Variants in GATA2 observed in about 807,000 individuals in gnomAD.
The protein encoded by GATA2 is GATA binding protein 2, also known as endothelial transcription factor GATA-2.
GATA2 carries 6 observed loss-of-function variants against 35.7 expected under a neutral mutation model. The observed-to-expected ratio is 0.17, with a 90% CI of 0.09 to 0.33. The LOEUF is 0.33. GATA2 is among the 10% of genes least tolerant of loss of function. The pLI is 1.00. For missense variants in GATA2, 541 were observed against 656.6 expected, an observed-to-expected ratio of 0.82 and a Z score of 1.92; for synonymous variants, 313 against 274.9, an observed-to-expected ratio of 1.14 and a Z score of -1.37.
At position 128,481,934 on chromosome 3, in the gene GATA2, C is replaced by CTGGCGG. The variant is rs755912864; in HGVS notation, c.1022_1027dup (p.Ala342_Arg343insThrAla). The stretch of plus-strand genomic sequence containing the variant: ...ATTTGCACAACAGGTGCCGGCTCTT[C>CTGGCGG]TGGCGGCCGACTGGGAGGGCAAGGC... On this transcript the variant is annotated inframe_insertion, in exon 5 of 6. Transcript: ENST00000341105. 1 of 1,613,512 alleles carries CTGGCGG rather than the reference C, an allele frequency of 6.2e-7. No individual in the cohort carries two copies. The highest frequency in any genetic ancestry group is 8.5e-7 in the Non-Finnish European group (1 of 1,180,026).
intron 3 of GATA2, 33 bp from the exon 4 acceptor site, chr3:128,484,038 G>T: frequency 6.2e-7 from 1 of 1,605,946 alleles, no homozygotes. Flanking sequence ...ACGGGGGCCT[G>T]CTTAACCGGC....
At chr3:128,491,208 G>GTC (rs2068763066) in intron 1 of GATA2, among the ~76,000 whole-genome samples, 1 of 107,390 alleles carries the variant, frequency 9.3e-6, no homozygotes, top group African/African-American at 4.1e-5. Context: ...CGGCCGTCCA[G>GTC]CCCCCCCCCC....
At position 128,492,988 on chromosome 3, in the gene GATA2, G is replaced by C. The variant is rs898029899; in HGVS notation, c.-135C>G. ...CGAGGTGCGCGGCAGGCGGGCTCGC[G>C]GGACCTGGGCGCGGGGTGGCGGCGC... On this transcript the variant is annotated 5_prime_UTR_variant, in exon 1 of 6. Coordinates refer to ENST00000341105, the MANE Select transcript of GATA2 (RefSeq NM_032638.5). The C allele has an allele frequency of 3.3e-5, 5 of 153,070 alleles. No homozygotes were observed. Among genetic ancestry groups the C allele is most frequent in the African/African-American group, 1.2e-4 (5 of 41,446 alleles). 9.5% of individuals were successfully genotyped at this position (153,070 alleles called of 1,614,324 possible).
At position 128,486,070 on chromosome 3, in the gene GATA2, C is replaced by A; in HGVS notation, c.528G>T (p.Thr176=). The stretch of plus-strand genomic sequence containing the variant: ...GGTCAGGAGACACTTCTTTGGGTGG[C>A]GTGGGTGGGAAGCCGAAAAGGTGGG... ...SGSHLFGFPP[T]PPKEVSPDPS... The change falls in exon 3 of 6, where the codon ACG becomes ACT. Residue 176 remains threonine (T), a synonymous_variant. Transcript: ENST00000341105. The A allele has an allele frequency of 6.8e-7, 1 of 1,472,992 alleles. No individual in the cohort carries two copies. The highest frequency in any genetic ancestry group is 2.4e-5 in the East Asian group (1 of 41,452). The allele number at this position is 1,472,992 out of a possible 1,614,324, so 91.2% of individuals were successfully genotyped here.
At chr3:128,487,534 G>A (rs2068719474) in intron 1 of GATA2, among the ~76,000 whole-genome samples, 1 of 152,034 alleles carries the variant, frequency 6.6e-6, no homozygotes, top group Admixed American at 6.5e-5. Flanking sequence ...TCTCAACCCC[G>A]AAAACATGCA....
chr3:128,485,616 C>A (rs1365909402), intron 3 of GATA2, 111 bp downstream of exon 3: 2 of 1,317,056 alleles, frequency 1.5e-6, no homozygotes, highest in Admixed American at 2.0e-5. Context: ...GAGACATCAC[C>A]CATCCCCAGA....
At chr3:128,487,641 G>C (rs2068722215) in intron 1 of GATA2, 1 of 153,134 alleles carries the variant, frequency 6.5e-6, no homozygotes, top group Non-Finnish European at 1.5e-5. Flanking sequence ...CCCGCCCTAA[G>C]TCCCCCCAGA....
Position 128,488,343 on chromosome 3 carries a change from G to A in GATA2, c.-45-1267C>T, listed in dbSNP as rs1210295919. The A allele has an allele frequency of 1.3e-5, 2 of 152,254 alleles. No individual in the cohort carries two copies. The highest frequency in any genetic ancestry group is 2.9e-5 in the Non-Finnish European group (2 of 68,136). The allele number at this position is 152,254 out of a possible 1,614,324, so 9.4% of individuals were successfully genotyped here. ...GCTGAACGTGGTCAGTCCGAGCGCA[G>A]TTACCTACCCAGACCGTTCCCTCCC... On this transcript the variant is annotated intron_variant, in intron 1 of 5. Coordinates refer to ENST00000341105, the MANE Select transcript of GATA2 (RefSeq NM_032638.5). The surrounding 1 kb of genome is among the most constrained non-coding windows in gnomAD (Gnocchi z 5.8).
At position 128,488,083 on chromosome 3, in the gene GATA2, G is replaced by C. The variant is rs1258431461; in HGVS notation, c.-45-1007C>G. ...CGGGCCGGCCCCCCTCAGCCGGCGGGCCCCCTCCCTGCGCGCTCCTGGCGG... is the reference window on the plus strand; with the variant it reads ...CGGGCCGGCCCCCCTCAGCCGGCGGCCCCCCTCCCTGCGCGCTCCTGGCGG... On this transcript the variant is annotated intron_variant, in intron 1 of 5. Transcript: ENST00000341105. This position sits in a 1 kb window ranked among gnomAD's most constrained non-coding sequence, Gnocchi z 5.8. Among the ~76,000 whole-genome samples the C allele has an allele frequency of 2.0e-5, 3 of 152,102 alleles. No individual in the cohort carries two copies. The highest frequency in any genetic ancestry group is 4.8e-5 in the African/African-American group (2 of 41,438).
Position 128,481,002 on chromosome 3 carries a change from C to T in GATA2, c.*17G>A, listed in dbSNP as rs371226230. On this transcript the variant is annotated 3_prime_UTR_variant, in exon 6 of 6. Coordinates refer to ENST00000341105, the MANE Select transcript of GATA2 (RefSeq NM_032638.5). ...ACCCATCCCGGGAGTGCCCGGTCCT[C>T]GACGTCCATCTGTTCCCTAGCCCAT... The T allele has an allele frequency of 5.8e-6, 9 of 1,538,726 alleles. No homozygotes were observed. The highest frequency in any genetic ancestry group is 4.6e-5 in the East Asian group (2 of 43,952).
In GATA2 at chr3:128,486,892, A is replaced by C. The variant is rs2068708769; in HGVS notation, c.140T>G (p.Val47Gly). ...CTGCGAGTCGAGGTGATTGAAGAAG[A>C]CGTCCACCTCGTCTGGAGGCAGCAG... ...AQLLPPDEVDVFFNHLDSQGN... is the reference protein window; with the variant it reads ...AQLLPPDEVDGFFNHLDSQGN... The change falls in exon 2 of 6, where the codon GTC becomes GGC. Residue 47 changes from valine to glycine, a missense_variant. Transcript: ENST00000341105. 2 of 1,612,754 alleles carry C rather than the reference A, an allele frequency of 1.2e-6. No homozygotes were observed. The highest frequency in any genetic ancestry group is 1.7e-6 in the Non-Finnish European group (2 of 1,179,598).
At chr3:128,487,547 C>T (rs1208137830) in intron 1 of GATA2, among the ~76,000 whole-genome samples, 2 of 152,154 alleles carry the variant, frequency 1.3e-5, no homozygotes, top group East Asian at 1.9e-4. Flanking sequence ...AACATGCACA[C>T]GCAGCCCCCT....
intron 5 of GATA2, among the ~76,000 whole-genome samples, chr3:128,481,570 T>TC (rs528395427): frequency 4.0e-5 from 6 of 151,344 alleles, no homozygotes; most frequent in South Asian, 4.2e-4. Context: ...ACTGAAGTCC[T>TC]CCCCCCCACC....
intron 4 of GATA2, among the ~76,000 whole-genome samples, chr3:128,482,815 G>A (rs1409071319): frequency 1.3e-5 from 2 of 152,234 alleles, no homozygotes; most frequent in African/African-American, 4.8e-5. Flanking sequence ...CCCCTCTCCC[G>A]GTTCCACCAA....
At chr3:128,491,590 C>A (rs2068769542) in intron 1 of GATA2, among the ~76,000 whole-genome samples, 1 of 152,196 alleles carries the variant, frequency 6.6e-6, no homozygotes, top group South Asian at 2.1e-4. Flanking sequence ...CTATAACGGC[C>A]CCTCCTGCTC....
chr3:128,484,779 T>G (rs1024693526), intron 3 of GATA2, among the ~76,000 whole-genome samples: 14 of 151,886 alleles, frequency 9.2e-5, no homozygotes, highest in Admixed American at 2.0e-4. Flanking sequence ...GCTCAGCGGG[T>G]GCTGGGGCCA....
At position 128,488,528 on chromosome 3, in the gene GATA2, AGTGGAG is replaced by A. The variant is rs2068736350; in HGVS notation, c.-45-1458_-45-1453del. ...GGCCGCTCAGGGCTGTGCTTGACCC[AGTGGAG>A]GTGGCCCGGCCGGTGGCTCCAGAAA... On this transcript the variant is annotated intron_variant, in intron 1 of 5. Transcript: ENST00000341105. The surrounding 1 kb of genome is among the most constrained non-coding windows in gnomAD (Gnocchi z 5.8). 1 of 152,296 alleles carries A rather than the reference AGTGGAG, an allele frequency of 6.6e-6. No individual in the cohort carries two copies. Among genetic ancestry groups the A allele is most frequent in the Admixed American group, 6.5e-5 (1 of 15,270 alleles). 9.4% of individuals were successfully genotyped at this position (152,296 alleles called of 1,614,324 possible).
chr3:128,491,494 G>C (rs2068767107), intron 1 of GATA2, among the ~76,000 whole-genome samples: 1 of 151,940 alleles, frequency 6.6e-6, no homozygotes, highest in Admixed American at 6.6e-5. Context: ...TTAGCAGATG[G>C]GTTCAGAAGT....
Position 128,479,840 on chromosome 3 carries a change from G to A in GATA2, c.*1179C>T, listed in dbSNP as rs958501079. The A allele has an allele frequency of 4.3e-6, 1 of 233,256 alleles. No homozygotes were observed. The highest frequency in any genetic ancestry group is 1.8e-4 in the South Asian group (1 of 5,526). The allele number at this position is 233,256 out of a possible 1,614,324, so 14.4% of individuals were successfully genotyped here. ...AGACAGCCACAGTAAAGCTGGACCT[G>A]AGACCCCAGCAGGGACACAGCCTCT... On this transcript the variant is annotated 3_prime_UTR_variant, in exon 6 of 6. Transcript: ENST00000341105.
Sources: gnomAD v4.1 joint callset for allele counts (sites outside exome capture counted in the v4.1 genomes callset) on GRCh38, gnomAD v4.1.1 for gene constraint, Gnocchi (gnomAD v3.1) non-coding constraint, MANE v1.5 for transcripts, NCBI Gene and HGNC (gene_info 2026-07-23, HGNC 2026-07-21) for gene names.